MANEA: variants seen among roughly 807,000 people sequenced by gnomAD.
MANEA encodes the protein mannosidase endo-alpha, also known as glycoprotein endo-alpha-1,2-mannosidase.
Under a neutral mutation model 36.8 loss-of-function variants are expected in MANEA, and 25 were observed. The ratio of observed to expected loss-of-function variants is 0.68; its 90% CI spans 0.50 to 0.95. The LOEUF is 0.95. Among genes scored for constraint, MANEA ranks in the 40% least tolerant of loss-of-function variants. The pLI, the probability that MANEA is intolerant of heterozygous loss-of-function variation, is 0.00. For missense variants in MANEA, 565 were observed against 558.8 expected (o/e 1.01, Z -0.11); for synonymous variants, 198 against 188.5 (o/e 1.05, Z -0.41).
At chr6:95,593,900 G>A (rs952203558) in intron 2 of MANEA, among the ~76,000 whole-genome samples, 1 of 152,044 alleles carries the variant, frequency 6.6e-6, no homozygotes, top group Non-Finnish European at 1.5e-5. Context: ...ACAAAAATTA[G>A]CCAGGTGTGG....
chr6:95,595,394 G>A (rs1210743225), intron 2 of MANEA, among the ~76,000 whole-genome samples: 1 of 152,040 alleles, frequency 6.6e-6, no homozygotes, highest in African/African-American at 2.4e-5. Flanking sequence ...AGCCTCATAT[G>A]TTATAGGTTA....
At chr6:95,597,215 T>C (rs1199176319) in intron 3 of MANEA, among the ~76,000 whole-genome samples, 1 of 152,000 alleles carries the variant, frequency 6.6e-6, no homozygotes, top group Non-Finnish European at 1.5e-5. Flanking sequence ...ATAAACTTGC[T>C]CAAATATTTT....
chr6:95,579,364 T>G (rs1379978917), intron 1 of MANEA, among the ~76,000 whole-genome samples: 1 of 152,160 alleles, frequency 6.6e-6, no homozygotes, highest in East Asian at 1.9e-4. Flanking sequence ...AGAGTGAGAC[T>G]CCATCTCAAA....
intron 1 of MANEA, among the ~76,000 whole-genome samples, chr6:95,582,350 AT>A (rs1769199233): frequency 1.3e-5 from 2 of 151,588 alleles, no homozygotes; most frequent in African/African-American, 4.8e-5. Flanking sequence ...TGCCTGGCTA[AT>A]TTTTTGTATT....
chr6:95,599,836 C>T lies in MANEA; in HGVS notation c.654+2990C>T, dbSNP rs1769555332. Reference sequence around the variant, plus strand: ...TCTCAAATTAGCTGTCTAGCAAGAGCTGTCACCTGCCATGTCCCTTGGTGC... The same window carrying T: ...TCTCAAATTAGCTGTCTAGCAAGAGTTGTCACCTGCCATGTCCCTTGGTGC... On this transcript the variant is annotated intron_variant, in intron 3 of 4. Transcript: ENST00000358812. 2.6e-5 allele frequency among the ~76,000 whole-genome samples: 4 copies of T among 152,190 alleles called. No homozygotes were observed. In the South Asian group the frequency reaches 8.3e-4, roughly 32 times the overall value.
chr6:95,588,859 T>G lies in MANEA; in HGVS notation c.544+1876T>G, dbSNP rs548800986. On this transcript the variant is annotated intron_variant, in intron 2 of 4. Transcript: ENST00000358812. ...ATAGAAATATATGTGTTACACTATT[T>G]TTGGTATAGTTTGTGATCAGGAAGA... Among the ~76,000 whole-genome samples the G allele has an allele frequency of 1.4e-3, 209 of 151,756 alleles. 1 individual carries two copies. Among genetic ancestry groups the G allele is most frequent in the South Asian group, 6.4e-3 (31 of 4,816 alleles).
chr6:95,587,263 T>A (rs1769307025), intron 2 of MANEA: 1 of 364,934 alleles, frequency 2.7e-6, no homozygotes, highest in South Asian at 6.9e-5. Flanking sequence ...AATTATGATT[T>A]ACATAAAATA....
chr6:95,584,031 C>T (rs904350138), intron 1 of MANEA, among the ~76,000 whole-genome samples: 2 of 152,100 alleles, frequency 1.3e-5, no homozygotes, highest in Admixed American at 1.3e-4. Context: ...TTATCACTTC[C>T]CTAAGAATAC....
rs750108434 is a variant in MANEA, at chr6:95,596,687, C to A, written c.545-50C>A. The A allele has an allele frequency of 6.3e-6, 6 of 951,988 alleles. No homozygotes were observed. In the South Asian group the frequency reaches 8.3e-5, roughly 13 times the overall value. 59.0% of individuals were successfully genotyped at this position (951,988 alleles called of 1,614,324 possible). A position where few individuals can be genotyped will look rare whatever the true frequency, so the allele number is the denominator to read the frequency against. On this transcript the variant is annotated intron_variant, in intron 2 of 4. Coordinates refer to ENST00000358812, the MANE Select transcript of MANEA (RefSeq NM_024641.4). ...ACTTACTGTGCCTTTTTAAGAATAT[C>A]TGCATTCATGTTCTTGTCTTTTCCC...
chr6:95,598,725 A>G (rs1769532244), intron 3 of MANEA, among the ~76,000 whole-genome samples: 2 of 152,176 alleles, frequency 1.3e-5, no homozygotes, highest in Non-Finnish European at 2.9e-5. Context: ...GAAGAATGGC[A>G]ACCACAGAAA....
In MANEA at chr6:95,608,906, T is replaced by A. The variant is rs957589601; in HGVS notation, c.*2501T>A. On this transcript the variant is annotated 3_prime_UTR_variant, in exon 5 of 5. Coordinates refer to ENST00000358812, the MANE Select transcript of MANEA (RefSeq NM_024641.4). ...TGAATAATTACATGAAAAAAAAGAG[T>A]CTGTACATCTTCAGAGTTTCAGTCG... 1 of 151,400 alleles carries A rather than the reference T, an allele frequency of 6.6e-6. No homozygotes were observed. The highest frequency in any genetic ancestry group is 1.5e-5 in the Non-Finnish European group (1 of 67,660). The allele number at this position is 151,400 out of a possible 1,614,324, so 9.4% of individuals were successfully genotyped here.
At chr6:95,601,745 G>GTTTTTTTTTTTTTTTTTTT (rs1769597884) in intron 3 of MANEA, among the ~76,000 whole-genome samples, 1 of 15,360 alleles carries the variant, frequency 6.5e-5, no homozygotes, top group African/African-American at 2.1e-4. Flanking sequence ...TTTTTTTTTT[G>GTTTTTTTTTTTTTTTTTTT]CTTAGGATTA....
At chr6:95,587,497 G>C (rs1221263079) in intron 2 of MANEA, 1 of 156,418 alleles carries the variant, frequency 6.4e-6, no homozygotes, top group Non-Finnish European at 1.4e-5. Flanking sequence ...GAGAATAGTT[G>C]TGAGTGTTCT....
At position 95,585,514 on chromosome 6, in the gene MANEA, G is replaced by A. The variant is rs541001134; in HGVS notation, c.-38-888G>A. On this transcript the variant is annotated intron_variant, in intron 1 of 4. Coordinates refer to ENST00000358812, the MANE Select transcript of MANEA (RefSeq NM_024641.4). ...GTTTGTGTAGGGATGGGGTCTCCCCGTGGTTGTCCAGGCTGGTCTCAAACT... is the reference window on the plus strand; with the variant it reads ...GTTTGTGTAGGGATGGGGTCTCCCCATGGTTGTCCAGGCTGGTCTCAAACT... 7.4e-4 allele frequency among the ~76,000 whole-genome samples: 112 copies of A among 152,174 alleles called. 1 individual carries two copies. In the South Asian group the frequency reaches 0.013, roughly 17 times the overall value.
intron 1 of MANEA, among the ~76,000 whole-genome samples, chr6:95,581,350 A>G (rs1465714827): frequency 3.3e-5 from 5 of 152,218 alleles, no homozygotes; most frequent in African/African-American, 1.2e-4. Context: ...GAAGTAATGT[A>G]AAATGAGAAG....
intron 2 of MANEA, among the ~76,000 whole-genome samples, chr6:95,591,464 C>A (rs1769384205): frequency 6.6e-6 from 1 of 151,790 alleles, no homozygotes; most frequent in Non-Finnish European, 1.5e-5. Context: ...TTAAAAAAAT[C>A]TTTTTATATC....
At chr6:95,600,315 T>C (rs1348947793) in intron 3 of MANEA, among the ~76,000 whole-genome samples, 3 of 152,210 alleles carry the variant, frequency 2.0e-5, no homozygotes, top group East Asian at 3.8e-4. Context: ...TGAGGAACTA[T>C]GTATAGACAA....
intron 1 of MANEA, among the ~76,000 whole-genome samples, chr6:95,582,102 T>A (rs1258753592): frequency 1.1e-5 from 1 of 93,796 alleles, no homozygotes; most frequent in Non-Finnish European, 2.2e-5. Flanking sequence ...GGGAAATGTT[T>A]GTTGTGATGT....
intron 3 of MANEA, among the ~76,000 whole-genome samples, chr6:95,602,153 G>T (rs1471992343): frequency 1.3e-5 from 2 of 152,092 alleles, no homozygotes; most frequent in Non-Finnish European, 2.9e-5. Flanking sequence ...ACTGTTGTTT[G>T]TTTTTGCATG....
Sources: allele counts gnomAD v4.1 joint callset (sites outside exome capture counted in the v4.1 genomes callset), GRCh38; gene constraint gnomAD v4.1.1; transcripts MANE v1.5; gene names NCBI Gene and HGNC (gene_info 2026-07-23, HGNC 2026-07-21).